SLK: variants seen among roughly 807,000 people sequenced by gnomAD.
SLK encodes the protein STE20-like serine/threonine-protein kinase.
Under a neutral mutation model 147.7 loss-of-function variants are expected in SLK, and 67 were observed. The observed-to-expected ratio is 0.45, with a 90% CI of 0.37 to 0.56. The LOEUF is 0.56. SLK is among the 20% of genes least tolerant of loss of function. The pLI, the probability that SLK is intolerant of heterozygous loss-of-function variation, is 0.00. For synonymous variants in SLK, 441 were observed against 475.0 expected, an observed-to-expected ratio of 0.93 and a Z score of 0.93; for missense variants, 1,136 against 1,438.8, an observed-to-expected ratio of 0.79 and a Z score of 3.41.
chr10:103,975,342 T>C lies in SLK; in HGVS notation c.150+7447T>C, dbSNP rs532153929. ...CTCCTTCTGTCTTCCCACTCAGTAA[T>C]TACCACTTCCATCTACCAGTTGCAT... On this transcript the variant is annotated intron_variant, in intron 1 of 18. Coordinates refer to ENST00000369755, the MANE Select transcript of SLK (RefSeq NM_014720.4). 2.0e-5 allele frequency among the ~76,000 whole-genome samples: 3 copies of C among 152,234 alleles called. No individual in the cohort carries two copies. The South Asian group carries it at 6.2e-4, about 32-fold the overall frequency.
chr10:103,991,396 TAATC>T (rs2134471260), intron 2 of SLK, among the ~76,000 whole-genome samples: 1 of 152,282 alleles, frequency 6.6e-6, no homozygotes, highest in Non-Finnish European at 1.5e-5. Context: ...TTCATTATAA[TAATC>T]TGTCAATCAC....
intron 1 of SLK, among the ~76,000 whole-genome samples, chr10:103,970,553 GTT>G (rs1272632558): frequency 4.6e-5 from 7 of 152,034 alleles, no homozygotes; most frequent in South Asian, 4.1e-4. Context: ...TAGGGTATGA[GTT>G]TTTTAAAAAA....
At chr10:104,024,164 T>A (rs1170000104) in intron 18 of SLK, among the ~76,000 whole-genome samples, 1 of 152,198 alleles carries the variant, frequency 6.6e-6, no homozygotes, top group African/African-American at 2.4e-5. Context: ...CAGGCGCCAA[T>A]TAATTTGGAC....
In SLK at chr10:103,998,126, A is replaced by G. The variant is rs568028919; in HGVS notation, c.515-773A>G. 1.2e-4 allele frequency among the ~76,000 whole-genome samples: 19 copies of G among 152,322 alleles called. No homozygotes were observed. The East Asian group carries it at 3.7e-3, about 29-fold the overall frequency. ...GAATTGCATGACCTTTAAGAGTTCTACAACAAAAACAACAAAGGTTAGAAT... is the reference window on the plus strand; with the variant it reads ...GAATTGCATGACCTTTAAGAGTTCTGCAACAAAAACAACAAAGGTTAGAAT... On this transcript the variant is annotated intron_variant, in intron 4 of 18. Transcript: ENST00000369755.
intron 1 of SLK, among the ~76,000 whole-genome samples, chr10:103,975,181 A>G (rs898803946): frequency 1.1e-4 from 16 of 149,932 alleles, no homozygotes; most frequent in South Asian, 4.2e-4. Flanking sequence ...TCTTTACCCT[A>G]AGACCTCCCT....
intron 1 of SLK, among the ~76,000 whole-genome samples, chr10:103,988,711 T>C (rs1020807140): frequency 6.6e-6 from 1 of 152,190 alleles, no homozygotes; most frequent in Admixed American, 6.5e-5. Flanking sequence ...GTTGTGAAGA[T>C]TAAATAGTAA....
chr10:103,979,428 C>G (rs141553476), intron 1 of SLK, among the ~76,000 whole-genome samples: 3 of 152,192 alleles, frequency 2.0e-5, no homozygotes, highest in African/African-American at 7.2e-5. Context: ...ATGGCTTATT[C>G]ACATTTAAAG....
At chr10:103,984,580 A>G (rs901423259) in intron 1 of SLK, among the ~76,000 whole-genome samples, 1 of 151,942 alleles carries the variant, frequency 6.6e-6, no homozygotes, top group African/African-American at 2.4e-5. Context: ...CACCGTGCTA[A>G]TTTTTGTATT....
Position 104,010,799 on chromosome 10 carries a change from A to T in SLK, c.2785-17A>T, listed in dbSNP as rs1320403773. On this transcript the variant is annotated splice_polypyrimidine_tract_variant and intron_variant, in intron 12 of 18. Transcript: ENST00000369755. ...AAAGTATCATTTCCCCACCTCCTGC[A>T]TGCTTATACACTGTAGGTTATAAAT... The T allele has an allele frequency of 1.4e-6, 2 of 1,478,910 alleles. No homozygotes were observed. The highest frequency in any genetic ancestry group is 1.8e-6 in the Non-Finnish European group (2 of 1,104,640). 91.6% of individuals were successfully genotyped at this position (1,478,910 alleles called of 1,614,324 possible).
At chr10:103,978,617 A>G (rs923481729) in intron 1 of SLK, among the ~76,000 whole-genome samples, 6 of 152,176 alleles carry the variant, frequency 3.9e-5, no homozygotes, top group Non-Finnish European at 1.5e-5. Flanking sequence ...ATCTCATCTC[A>G]AGATAATGGG....
chr10:103,977,350 C>T (rs1843885121), intron 1 of SLK, among the ~76,000 whole-genome samples: 1 of 152,144 alleles, frequency 6.6e-6, no homozygotes, highest in Admixed American at 6.5e-5. Flanking sequence ...GTGACTCATG[C>T]CTGTAATCCC....
At position 104,003,104 on chromosome 10, in the gene SLK, C is replaced by G. The variant is rs1438231303; in HGVS notation, c.1926C>G (p.Ile642Met). 1.2e-6 allele frequency: 2 copies of G among 1,613,970 alleles called. No homozygotes were observed. Among genetic ancestry groups the G allele is most frequent in the Non-Finnish European group, 1.7e-6 (2 of 1,180,016 alleles). The change falls in exon 9 of 19, where the codon ATC (isoleucine) becomes ATG (methionine). Residue 642 changes from isoleucine (I) to methionine (M), a missense_variant. This residue lies in a region of SLK where 516 missense variants were observed against 531.3 expected (regional missense o/e 0.97). Coordinates refer to ENST00000369755, the MANE Select transcript of SLK (RefSeq NM_014720.4). ...EEPGTTEGEE[I>M]TESSSTEEME... is the part of the protein sequence containing the mutation. The stretch of plus-strand genomic sequence containing the variant: ...CAGGAACAACTGAAGGTGAAGAAAT[C>G]ACTGAGTCAAGTAGCACTGAAGAAA...
intron 1 of SLK, among the ~76,000 whole-genome samples, chr10:103,989,537 C>T (rs1185667320): frequency 9.5e-5 from 13 of 137,100 alleles, no homozygotes; most frequent in African/African-American, 3.7e-4. Context: ...GGCGCAATTT[C>T]GGCTCACTGC....
chr10:103,999,396 A>T (rs1364224294), intron 6 of SLK, 83 bp downstream of exon 6: 14 of 1,053,940 alleles, frequency 1.3e-5, no homozygotes, highest in Non-Finnish European at 1.9e-5. Context: ...ACAATTTTCC[A>T]AGAGTATTTA....
At position 103,967,365 on chromosome 10, in the gene SLK, GC is replaced by G. The variant is rs1029952021; in HGVS notation, c.-377del. 1 of 150,284 alleles carries G rather than the reference GC, an allele frequency of 6.7e-6. No homozygotes were observed. The highest frequency in any genetic ancestry group is 6.6e-5 in the Admixed American group (1 of 15,130). 9.3% of individuals were successfully genotyped at this position (150,284 alleles called of 1,614,324 possible). On this transcript the variant is annotated 5_prime_UTR_variant, in exon 1 of 19. Coordinates refer to ENST00000369755, the MANE Select transcript of SLK (RefSeq NM_014720.4). ...GCTTCTCTCTCCCAGAGTGGCCGCC[GC>G]CCCTGGAGACTCGCCGTGACACGGG...
chr10:103,983,514 A>T (rs1395847404), intron 1 of SLK, among the ~76,000 whole-genome samples: 1 of 152,188 alleles, frequency 6.6e-6, no homozygotes, highest in African/African-American at 2.4e-5. Context: ...TGCAGATCAC[A>T]TTTCTGCCTT....
chr10:104,002,883 AC>A lies in SLK; in HGVS notation c.1706del (p.Thr569SerfsTer12). ...AGTGGATGAAGACAGTGCTGAGGAT[AC>A]GCAGAGTAATGATGGGAAAGAAGTG... ...QKVDEDSAEDTQSNDGKEVVE... is the reference protein window; with the variant it reads ...QKVDEDSAEDXQSNDGKEVVE... On this transcript the variant is annotated frameshift_variant, in exon 9 of 19. Coordinates refer to ENST00000369755, the MANE Select transcript of SLK (RefSeq NM_014720.4). LOFTEE classifies it high-confidence loss of function. 6.2e-7 allele frequency: 1 copy of A among 1,614,138 alleles called. No homozygotes were observed. Among genetic ancestry groups the A allele is most frequent in the Non-Finnish European group, 8.5e-7 (1 of 1,179,994 alleles).
In SLK at chr10:104,018,164, A is replaced by G. The variant is rs984262883; in HGVS notation, c.2882A>G (p.Gln961Arg). The change falls in exon 14 of 19, where the codon CAA becomes CGA. Residue 961 changes from glutamine (Q) to arginine (R), a missense_variant. Gln to Arg is a conservative substitution (Grantham distance 43). Transcript: ENST00000369755. The stretch of plus-strand genomic sequence containing the variant: ...ACAATTAACTGTTTTTAATAGGAAC[A>G]AGAGTTTGTTCAGAAACAACAGCAA... ...ELAQSQHAQEQEFVQKQQQEL... is the reference protein window; with the variant it reads ...ELAQSQHAQEREFVQKQQQEL... 1 of 1,602,942 alleles carries G rather than the reference A, an allele frequency of 6.2e-7. No individual in the cohort carries two copies.
In SLK at chr10:104,024,739, C is replaced by T. The variant is rs1394136824; in HGVS notation, c.3562-835C>T. Among the ~76,000 whole-genome samples the T allele has an allele frequency of 2.0e-5, 3 of 152,198 alleles. No individual in the cohort carries two copies. In the East Asian group the frequency reaches 5.8e-4, roughly 29 times the overall value. ...TCACTTCTCCACAAAGTCATTGATA[C>T]CTGTAACAAAATGCCATAAACTGGA... On this transcript the variant is annotated intron_variant, in intron 18 of 18. Coordinates refer to ENST00000369755, the MANE Select transcript of SLK (RefSeq NM_014720.4).
Sources: allele counts gnomAD v4.1 joint callset (sites outside exome capture counted in the v4.1 genomes callset), GRCh38; gene constraint gnomAD v4.1.1; regional missense constraint gnomAD v4.1.1; transcripts MANE v1.5; gene names NCBI Gene and HGNC (gene_info 2026-07-23, HGNC 2026-07-21).